The following ULK4 variants were observed in gnomAD, a reference collection of about 807,000 sequenced individuals.
ULK4 encodes inactive serine/threonine-protein kinase ULK4.
A neutral mutation model predicts 160.6 loss-of-function variants in ULK4; 133 were observed. The ratio of observed to expected loss-of-function variants is 0.83; its 90% CI spans 0.72 to 0.96. The LOEUF (loss-of-function observed/expected upper bound fraction) is 0.96, where lower values mean the gene tolerates loss of function less well. Among genes scored for constraint, ULK4 ranks in the 40% least tolerant of loss-of-function variants. ULK4 has a pLI of 0.00. For missense variants in ULK4, 1,580 were observed against 1,499.5 expected (o/e 1.05, Z -0.89); for synonymous variants, 534 against 539.8 (o/e 0.99, Z 0.15).
rs573343193 is a variant in ULK4 at position 41,736,949 on chromosome 3, A to G, written c.2321+17412T>C. 8.2e-4 allele frequency among the ~76,000 whole-genome samples: 124 copies of G among 152,018 alleles called. 3 individuals carry two copies. The highest frequency in any genetic ancestry group is 2.9e-3 in the African/African-American group (118 of 41,300). On this transcript the variant is annotated intron_variant, in intron 22 of 36. Coordinates refer to ENST00000301831, the MANE Select transcript of ULK4 (RefSeq NM_017886.4). ...TCCCAGCACCATTTATTAAATGGGG[A>G]ATCCTTTCCCCATTGCTTGTGTTTG...
chr3:41,710,671 G>A (rs182498090), intron 25 of ULK4, among the ~76,000 whole-genome samples: 23 of 151,934 alleles, frequency 1.5e-4, no homozygotes, highest in African/African-American at 3.4e-4. Flanking sequence ...GCACACGCCT[G>A]TAATCCCAGC....
intron 12 of ULK4, among the ~76,000 whole-genome samples, chr3:41,902,492 C>T (rs1189004454): frequency 6.6e-6 from 1 of 150,558 alleles, no homozygotes; most frequent in Non-Finnish European, 1.5e-5. Flanking sequence ...GCAGGAGAAT[C>T]GCTTGAACCT....
At chr3:41,384,593 A>T (rs1451214190) in intron 35 of ULK4, among the ~76,000 whole-genome samples, 1 of 151,584 alleles carries the variant, frequency 6.6e-6, no homozygotes. Flanking sequence ...GTCTATATAA[A>T]TTTTTTTTCG....
chr3:41,718,011 T>G, intron 22 of ULK4, 150 bp from the exon 23 acceptor site: 1 of 889,982 alleles, frequency 1.1e-6, no homozygotes, highest in East Asian at 2.6e-5. Flanking sequence ...GCACAATTTT[T>G]GCCTCAGAAA....
intron 35 of ULK4, among the ~76,000 whole-genome samples, chr3:41,278,544 G>A (rs748684033): frequency 1.3e-5 from 2 of 152,070 alleles, no homozygotes; most frequent in Non-Finnish European, 2.9e-5. Flanking sequence ...CTCCCAGTAG[G>A]GGCCAACAGA....
intron 17 of ULK4, among the ~76,000 whole-genome samples, chr3:41,878,494 T>TATC (rs1697392026): frequency 6.6e-6 from 1 of 152,182 alleles, no homozygotes; most frequent in Non-Finnish European, 1.5e-5. Flanking sequence ...ATCAAGCATT[T>TATC]ATCCTGCCTT....
At chr3:41,780,660 A>G (rs1260688959) in intron 21 of ULK4, among the ~76,000 whole-genome samples, 2 of 152,304 alleles carry the variant, frequency 1.3e-5, no homozygotes, top group Non-Finnish European at 2.9e-5. Flanking sequence ...GGAACTTCCA[A>G]CCACACAAGC....
intron 34 of ULK4, among the ~76,000 whole-genome samples, chr3:41,419,841 C>T (rs2082619046): frequency 6.6e-6 from 1 of 151,824 alleles, no homozygotes; most frequent in African/African-American, 2.4e-5. Context: ...TGCCTCTTTC[C>T]ATCTCTTCCT....
chr3:41,349,814 G>A (rs1440873242), intron 35 of ULK4, among the ~76,000 whole-genome samples: 2 of 151,956 alleles, frequency 1.3e-5, no homozygotes, highest in African/African-American at 4.8e-5. Context: ...AGAATCCAAG[G>A]TATTTTATTC....
At chr3:41,611,974 C>T (rs1350615364) in intron 31 of ULK4, among the ~76,000 whole-genome samples, 3 of 151,772 alleles carry the variant, frequency 2.0e-5, no homozygotes, top group Non-Finnish European at 4.4e-5. Context: ...CACATCTGTG[C>T]ATCTGACCAA....
chr3:41,523,349 A>G (rs959965175), intron 32 of ULK4, among the ~76,000 whole-genome samples: 11 of 152,222 alleles, frequency 7.2e-5, no homozygotes, highest in African/African-American at 2.4e-4. Flanking sequence ...GAAGTGGGAC[A>G]ACACATATGT....
At chr3:41,281,263 A>G (rs943493303) in intron 35 of ULK4, among the ~76,000 whole-genome samples, 10 of 152,334 alleles carry the variant, frequency 6.6e-5, no homozygotes, top group South Asian at 4.2e-4. Context: ...AAATATTCCA[A>G]TCAATAGAAA....
At chr3:41,413,979 CG>C (rs1559582745) in intron 34 of ULK4, among the ~76,000 whole-genome samples, 4 of 152,098 alleles carry the variant, frequency 2.6e-5, no homozygotes. Flanking sequence ...CCGAGGCAGG[CG>C]GATCACCTGA....
At chr3:41,606,927 TA>T (rs1342382492) in intron 31 of ULK4, among the ~76,000 whole-genome samples, 1 of 152,102 alleles carries the variant, frequency 6.6e-6, no homozygotes, top group Non-Finnish European at 1.5e-5. Flanking sequence ...TCGTCCTGTT[TA>T]TTGTTTCTTT....
intron 30 of ULK4, among the ~76,000 whole-genome samples, chr3:41,658,202 T>TG (rs1343970841): frequency 1.3e-5 from 2 of 152,156 alleles, no homozygotes; most frequent in Non-Finnish European, 2.9e-5. Context: ...CAACTTAGAT[T>TG]GGGGAAAATT....
At chr3:41,438,495 CA>C (rs2083086210) in intron 34 of ULK4, among the ~76,000 whole-genome samples, 1 of 152,094 alleles carries the variant, frequency 6.6e-6, no homozygotes, top group Admixed American at 6.5e-5. Flanking sequence ...TTAAAAAATA[CA>C]GATAGTTATC....
At chr3:41,639,535 C>A (rs1469237153) in intron 30 of ULK4, among the ~76,000 whole-genome samples, 1 of 152,136 alleles carries the variant, frequency 6.6e-6, no homozygotes, top group African/African-American at 2.4e-5. Context: ...CAAGACCAGC[C>A]TGGATAACAT....
At chr3:41,748,861 T>C (rs1379028124) in intron 22 of ULK4, among the ~76,000 whole-genome samples, 1 of 152,224 alleles carries the variant, frequency 6.6e-6, no homozygotes, top group Non-Finnish European at 1.5e-5. Flanking sequence ...TGTAGATGAT[T>C]CCATGGCTGT....
intron 32 of ULK4, among the ~76,000 whole-genome samples, chr3:41,516,078 GTAAAT>G (rs1022163018): frequency 2.5e-5 from 3 of 120,818 alleles, no homozygotes; most frequent in Non-Finnish European, 6.1e-5. Flanking sequence ...TCAATAAAAA[GTAAAT>G]AAAATATAAC....
Sources: gnomAD v4.1 joint callset for allele counts (sites outside exome capture counted in the v4.1 genomes callset) on GRCh38, gnomAD v4.1.1 for gene constraint, MANE v1.5 for transcripts, NCBI Gene and HGNC (gene_info 2026-07-23, HGNC 2026-07-21) for gene names.